The following MEGF6 variants were observed in gnomAD, a reference collection of about 807,000 sequenced individuals.
The protein encoded by MEGF6 is multiple epidermal growth factor-like domains protein 6.
Under a neutral mutation model 207.1 loss-of-function variants are expected in MEGF6, and 184 were observed. The observed-to-expected ratio is 0.89, with a 90% CI of 0.79 to 1.00. The LOEUF (loss-of-function observed/expected upper bound fraction) is 1.00, where lower values mean the gene tolerates loss of function less well. Ranked by LOEUF, MEGF6 falls within the 50% of genes least tolerant of loss-of-function variation. MEGF6 has a pLI of 0.00. For synonymous variants in MEGF6, 1,038 were observed against 910.0 expected, an observed-to-expected ratio of 1.14 and a Z score of -2.53; for missense variants, 2,282 against 2,202.9, an observed-to-expected ratio of 1.04 and a Z score of -0.72.
chr1:3,503,394 A>G (rs1475944965), intron 17 of MEGF6, among the ~76,000 whole-genome samples: 2 of 151,972 alleles, frequency 1.3e-5, no homozygotes, highest in East Asian at 1.9e-4. Context: ...TGATCTTTCT[A>G]TCAACACTCG....
chr1:3,591,347 C>T (rs566005889), intron 3 of MEGF6, among the ~76,000 whole-genome samples: 43 of 152,262 alleles, frequency 2.8e-4, no homozygotes, highest in Non-Finnish European at 3.4e-4. Context: ...GCTCACAAGC[C>T]CTTGGCCAAG....
Position 3,492,627 on chromosome 1 carries a change from A to G in MEGF6, c.4516+12T>C. The stretch of plus-strand genomic sequence containing the variant: ...GGTGCCTTCCCGCCCTTCCCCAGGA[A>G]GCCCAGCTCACCTTCCCGGCACGTG... On this transcript the variant is annotated intron_variant, in intron 35 of 36. Coordinates refer to ENST00000356575, the MANE Select transcript of MEGF6 (RefSeq NM_001409.4). 6.2e-7 allele frequency: 1 copy of G among 1,601,974 alleles called. No homozygotes were observed. Among genetic ancestry groups the G allele is most frequent in the Non-Finnish European group, 8.5e-7 (1 of 1,171,002 alleles).
At chr1:3,541,979 C>A (rs147225464) in intron 4 of MEGF6, among the ~76,000 whole-genome samples, 2 of 152,366 alleles carry the variant, frequency 1.3e-5, no homozygotes, top group East Asian at 1.9e-4. Context: ...GAAGCCCCCG[C>A]GGCCAAGTAG....
chr1:3,562,252 C>T (rs1281491813), intron 4 of MEGF6, among the ~76,000 whole-genome samples: 3 of 152,146 alleles, frequency 2.0e-5, no homozygotes, highest in Admixed American at 6.5e-5. Context: ...CTCTCTATGT[C>T]TCTTTGTCTC....
At chr1:3,591,643 T>C (rs1643980120) in intron 3 of MEGF6, among the ~76,000 whole-genome samples, 1 of 149,422 alleles carries the variant, frequency 6.7e-6, no homozygotes, top group Non-Finnish European at 1.5e-5. Context: ...GCTACCAAGG[T>C]CTCAGAGCTC....
chr1:3,497,640 T>G, intron 26 of MEGF6: 1 of 619,366 alleles, frequency 1.6e-6, no homozygotes, highest in Non-Finnish European at 3.0e-6. Flanking sequence ...ACGAGACAGA[T>G]AGGGCTGAGA....
intron 4 of MEGF6, among the ~76,000 whole-genome samples, chr1:3,543,969 G>A (rs1335915839): frequency 6.6e-6 from 1 of 152,210 alleles, no homozygotes; most frequent in Non-Finnish European, 1.5e-5. Context: ...CGAATCAGGA[G>A]ACCCCCGGCT....
At chr1:3,622,188 T>C in the MEGF6 span, among the ~76,000 whole-genome samples, 1 of 152,140 alleles carries the variant, frequency 6.6e-6, no homozygotes, top group Non-Finnish European at 1.5e-5. Flanking sequence ...CACCCAAATC[T>C]CATCTCGAAT....
At chr1:3,508,821 G>C in intron 12 of MEGF6, 132 bp from the exon 13 acceptor site, 1 of 1,220,190 alleles carries the variant, frequency 8.2e-7, no homozygotes. Context: ...CCCCCAAAGG[G>C]TGACATGGGG....
In MEGF6 at chr1:3,498,443, C is replaced by T. The variant is rs893471274; in HGVS notation, c.3280G>A (p.Gly1094Arg). Residue 1094 changes from glycine to arginine, a missense_variant, in exon 26 of 37, where the codon GGG becomes AGG. Coordinates refer to ENST00000356575, the MANE Select transcript of MEGF6 (RefSeq NM_001409.4). ...CCCGTGTGCGGGTCACACAGGCCCC[C>T]GTTGAGGCAACCGCCGCTGTGCCGG... is the stretch of plus-strand genomic sequence containing the variant. ...GCRHSGGCLN[G>R]GLCDPHTGRC... The T allele has an allele frequency of 4.4e-5, 70 of 1,579,250 alleles. No homozygotes were observed. Among genetic ancestry groups the T allele is most frequent in the Non-Finnish European group, 5.6e-5 (65 of 1,164,072 alleles).
At chr1:3,501,138 C>T in intron 19 of MEGF6, 39 bp downstream of exon 19, 3 of 1,612,584 alleles carry the variant, frequency 1.9e-6, no homozygotes, top group East Asian at 2.2e-5. Flanking sequence ...GGCCACCTAC[C>T]CCAGGTCAAA....
chr1:3,507,753 C>G, intron 14 of MEGF6, 42 bp downstream of exon 14: 1 of 1,612,336 alleles, frequency 6.2e-7, no homozygotes, highest in Non-Finnish European at 8.5e-7. Context: ...TCCCTTACAG[C>G]CCAGGGGTAA....
chr1:3,567,955 C>A (rs1056598767), intron 4 of MEGF6, among the ~76,000 whole-genome samples: 3 of 152,100 alleles, frequency 2.0e-5, no homozygotes, highest in South Asian at 2.1e-4. Context: ...CACCCTGGAC[C>A]CTTCTTCCCA....
upstream of MEGF6, among the ~76,000 whole-genome samples, chr1:3,614,692 A>G (rs1415444116): frequency 6.6e-6 from 1 of 152,254 alleles, no homozygotes; most frequent in Non-Finnish European, 1.5e-5. Context: ...AGAAGTAAGC[A>G]CTAAGCTTAG....
chr1:3,500,927 G>A (rs751061777), intron 20 of MEGF6, 39 bp downstream of exon 20: 4 of 1,610,318 alleles, frequency 2.5e-6, no homozygotes, highest in African/African-American at 2.7e-5. Context: ...TAGGAAAGGA[G>A]GGATGTCTGG....
intron 10 of MEGF6, among the ~76,000 whole-genome samples, chr1:3,510,306 A>G (rs1427636563): frequency 6.6e-6 from 1 of 152,084 alleles, no homozygotes; most frequent in African/African-American, 2.4e-5. Flanking sequence ...AGAGGGAGGG[A>G]GGGGACAGGT....
intron 3 of MEGF6, among the ~76,000 whole-genome samples, chr1:3,590,427 C>A (rs543588548): frequency 6.6e-6 from 1 of 152,224 alleles, no homozygotes; most frequent in Non-Finnish European, 1.5e-5. Context: ...GGTCCGAACC[C>A]CACTGCACCC....
chr1:3,515,747 C>A (rs1187065735), intron 5 of MEGF6, among the ~76,000 whole-genome samples: 2 of 152,248 alleles, frequency 1.3e-5, no homozygotes, highest in African/African-American at 2.4e-5. Context: ...CTACAGGATC[C>A]TCAGGCCTGT....
In MEGF6 at chr1:3,494,759, G is replaced by A. The variant is rs759596912; in HGVS notation, c.3872-18C>T. ...GGGGCAGCCTGGAGACAGAAGGCAG[G>A]TGCTGCCTGGAGCTCTGGCCGAGGG... On this transcript the variant is annotated intron_variant, in intron 30 of 36. Coordinates refer to ENST00000356575, the MANE Select transcript of MEGF6 (RefSeq NM_001409.4). 3 of 1,556,002 alleles carry A rather than the reference G, an allele frequency of 1.9e-6. No homozygotes were observed. The highest frequency in any genetic ancestry group is 1.2e-5 in the South Asian group (1 of 82,902).
Sources: gnomAD v4.1 joint callset for allele counts (sites outside exome capture counted in the v4.1 genomes callset) on GRCh38, gnomAD v4.1.1 for gene constraint, MANE v1.5 for transcripts, NCBI Gene and HGNC (gene_info 2026-07-23, HGNC 2026-07-21) for gene names.